The following C17orf78 variants were observed in gnomAD, a reference collection of about 807,000 sequenced individuals.
C17orf78 encodes the protein uncharacterized protein C17orf78.
C17orf78 carries 27 observed loss-of-function variants against 31.8 expected under a neutral mutation model. The ratio of observed to expected loss-of-function variants is 0.85; its 90% CI spans 0.63 to 1.17. The LOEUF is 1.17. Among genes scored for constraint, C17orf78 ranks in the 50% most tolerant of loss-of-function variants. The pLI is 0.00. For synonymous variants in C17orf78, 106 were observed against 115.1 expected (o/e 0.92, Z 0.51); for missense variants, 258 against 315.2 (o/e 0.82, Z 1.37).
chr17:37,376,022 G>A lies in C17orf78; in HGVS notation c.-71G>A, dbSNP rs183433667. The A allele has an allele frequency of 2.0e-4, 267 of 1,343,222 alleles. No homozygotes were observed. In the East Asian group the frequency reaches 5.9e-3, roughly 30 times the overall value. 83.2% of individuals were successfully genotyped at this position (1,343,222 alleles called of 1,614,324 possible). A position where few individuals can be genotyped will look rare whatever the true frequency, so the allele number is the denominator to read the frequency against. On this transcript the variant is annotated 5_prime_UTR_variant, in exon 1 of 7. Transcript: ENST00000615133. ...CAGCTGCGTGTGGTGAAAGCAACTA[G>A]AGGCAGAGCTATCAAGGGCTGTGAC...
At chr17:37,378,060 C>A in intron 2 of C17orf78, 95 bp downstream of exon 2, 1 of 1,126,088 alleles carries the variant, frequency 8.9e-7, no homozygotes, top group Non-Finnish European at 1.3e-6. Context: ...TAGCCCATAT[C>A]TCAAATATCC....
In C17orf78 at chr17:37,391,861, G is replaced by T; in HGVS notation, c.*137G>T. On this transcript the variant is annotated 3_prime_UTR_variant, in exon 7 of 7. Coordinates refer to ENST00000615133, the MANE Select transcript of C17orf78 (RefSeq NM_173625.5). ...CAAACACCAATTCCTGGTTAATGAA[G>T]GGAGAGTGTGGGCTTAGCAGAGTTA... 1 of 798,856 alleles carries T rather than the reference G, an allele frequency of 1.3e-6. No individual in the cohort carries two copies. Among genetic ancestry groups the T allele is most frequent in the East Asian group, 2.5e-5 (1 of 40,272 alleles). 49.5% of individuals were successfully genotyped at this position (798,856 alleles called of 1,614,324 possible).
chr17:37,382,215 A>G (rs2050323953), intron 3 of C17orf78, among the ~76,000 whole-genome samples: 1 of 152,036 alleles, frequency 6.6e-6, no homozygotes, highest in Non-Finnish European at 1.5e-5. Context: ...CCCTCACTAG[A>G]GGTTGGTTCC....
intron 6 of C17orf78, among the ~76,000 whole-genome samples, chr17:37,390,330 A>ATATATATATCTATATC (rs1386032855): frequency 2.4e-5 from 1 of 41,592 alleles, no homozygotes; most frequent in Non-Finnish European, 3.7e-5. Context: ...ATATATATAT[A>ATATATATATCTATATC]TATAAAAGGC....
At chr17:37,389,410 G>A in intron 6 of C17orf78, 48 bp downstream of exon 6, 1 of 1,547,580 alleles carries the variant, frequency 6.5e-7, no homozygotes, top group Non-Finnish European at 8.7e-7. Flanking sequence ...AGAAGGTGGG[G>A]TAGGGGCCGG....
chr17:37,382,721 A>G (rs982621305), intron 3 of C17orf78, among the ~76,000 whole-genome samples: 1 of 152,086 alleles, frequency 6.6e-6, no homozygotes, highest in African/African-American at 2.4e-5. Flanking sequence ...TTAGCTGGGC[A>G]TGGTGGCGTG....
chr17:37,382,503 T>G (rs1398715757), intron 3 of C17orf78, among the ~76,000 whole-genome samples: 2 of 152,114 alleles, frequency 1.3e-5, no homozygotes, highest in African/African-American at 4.8e-5. Context: ...GAAAAAACTT[T>G]AAACTCTAGA....
At chr17:37,390,129 TA>T (rs67386580) in intron 6 of C17orf78, among the ~76,000 whole-genome samples, 8,829 of 47,164 alleles carry the variant, frequency 0.19, 968 homozygotes, top group Admixed American at 0.24. Flanking sequence ...CTGTCTCTAT[TA>T]AAAAAAAAAG....
At position 37,389,378 on chromosome 17, in the gene C17orf78, G is replaced by A; in HGVS notation, c.750+16G>A. ...GCCCCAGAAGGAAAGTGTTCTCTGT[G>A]TGGTTTATGTCATTTGCTTAAAGAA... On this transcript the variant is annotated intron_variant, in intron 6 of 6. Transcript: ENST00000615133. The A allele has an allele frequency of 6.4e-7, 1 of 1,562,776 alleles. No homozygotes were observed. Among genetic ancestry groups the A allele is most frequent in the Non-Finnish European group, 8.7e-7 (1 of 1,153,434 alleles).
intron 3 of C17orf78, among the ~76,000 whole-genome samples, chr17:37,385,136 C>A (rs191833910): frequency 2.5e-4 from 38 of 152,172 alleles, no homozygotes; most frequent in African/African-American, 7.2e-4. Flanking sequence ...TACCCTTGCC[C>A]ACCCCAACCC....
intron 1 of C17orf78, among the ~76,000 whole-genome samples, chr17:37,377,647 G>A (rs1310074335): frequency 2.0e-5 from 3 of 149,076 alleles, no homozygotes; most frequent in Non-Finnish European, 4.4e-5. Flanking sequence ...GCGACAGAGT[G>A]AGACTCCGTC....
intron 6 of C17orf78, 43 bp downstream of exon 6, chr17:37,389,405 G>T: frequency 6.4e-7 from 1 of 1,550,590 alleles, no homozygotes. Context: ...CTTAAAGAAG[G>T]TGGGGTAGGG....
chr17:37,381,532 T>G (rs867094797), intron 3 of C17orf78, among the ~76,000 whole-genome samples: 2 of 151,854 alleles, frequency 1.3e-5, no homozygotes, highest in African/African-American at 4.8e-5. Context: ...GGTCGTTCCA[T>G]TTCAATACGT....
intron 4 of C17orf78, chr17:37,387,865 A>T (rs1463826780): frequency 6.6e-6 from 1 of 152,150 alleles, no homozygotes; most frequent in African/African-American, 2.4e-5. Context: ...ATTAGTAATA[A>T]TGAGATGCAC....
chr17:37,390,334 A>ATCTAT (rs2050822111), intron 6 of C17orf78, among the ~76,000 whole-genome samples: 1 of 93,422 alleles, frequency 1.1e-5, no homozygotes, highest in Non-Finnish European at 1.9e-5. Flanking sequence ...ATATATATAT[A>ATCTAT]AAAGGCCAGC....
rs368012430 is a variant in C17orf78 at position 37,389,490 on chromosome 17, G to A, written c.750+128G>A. The A allele has an allele frequency of 4.5e-5, 58 of 1,300,472 alleles. No homozygotes were observed. In the African/African-American group the frequency reaches 6.6e-4, roughly 15 times the overall value. The allele number at this position is 1,300,472 out of a possible 1,614,324, so 80.6% of individuals were successfully genotyped here. Reference sequence around the variant, plus strand: ...GGCAGGTGGATCACCTGAGGTGATCGAGACCAGCCTGACCAACATGACGAA... The same window carrying A: ...GGCAGGTGGATCACCTGAGGTGATCAAGACCAGCCTGACCAACATGACGAA... On this transcript the variant is annotated intron_variant, in intron 6 of 6. Transcript: ENST00000615133.
In C17orf78 at chr17:37,375,992, G is replaced by T; in HGVS notation, c.-101G>T. The T allele has an allele frequency of 1.1e-6, 1 of 940,968 alleles. No individual in the cohort carries two copies. The highest frequency in any genetic ancestry group is 1.4e-5 in the South Asian group (1 of 70,094). The allele number at this position is 940,968 out of a possible 1,614,324, so 58.3% of individuals were successfully genotyped here. A position where few individuals can be genotyped will look rare whatever the true frequency, so the allele number is the denominator to read the frequency against. On this transcript the variant is annotated 5_prime_UTR_variant, in exon 1 of 7. Coordinates refer to ENST00000615133, the MANE Select transcript of C17orf78 (RefSeq NM_173625.5). ...ATCAGAGTCTCTCAGGGTCAAACTT[G>T]GTTCCAGCTGCGTGTGGTGAAAGCA...
At chr17:37,379,669 A>G (rs890585484) in intron 3 of C17orf78, among the ~76,000 whole-genome samples, 2 of 152,030 alleles carry the variant, frequency 1.3e-5, no homozygotes, top group Non-Finnish European at 2.9e-5. Context: ...AAAACACATG[A>G]AAAAATGCTC....
Position 37,388,651 on chromosome 17 carries a change from A to T in C17orf78, c.509-19A>T, listed in dbSNP as rs1261503401. 2.5e-6 allele frequency: 4 copies of T among 1,608,722 alleles called. No homozygotes were observed. In the East Asian group the frequency reaches 8.9e-5, roughly 36 times the overall value. ...TCAAATTTTCTTTTCTCCCTCTTCC[A>T]CTCCCCTCTCTCCTTTAGACACAGA... On this transcript the variant is annotated intron_variant, in intron 4 of 6. Transcript: ENST00000615133.
Sources: gnomAD v4.1 joint callset for allele counts (sites outside exome capture counted in the v4.1 genomes callset) on GRCh38, gnomAD v4.1.1 for gene constraint, MANE v1.5 for transcripts, NCBI Gene and HGNC (gene_info 2026-07-23, HGNC 2026-07-21) for gene names.